Variants in LYN observed in about 807,000 individuals in gnomAD.
The protein encoded by LYN is LYN proto-oncogene, Src family tyrosine kinase.
Under a neutral mutation model 65.0 loss-of-function variants are expected in LYN, and 12 were observed. The ratio of observed to expected loss-of-function variants is 0.18; its 90% CI spans 0.12 to 0.30. The LOEUF (loss-of-function observed/expected upper bound fraction) is 0.30, where lower values mean the gene tolerates loss of function less well. Among genes scored for constraint, LYN ranks in the 10% least tolerant of loss-of-function variants. LYN has a pLI of 1.00. For missense variants in LYN, 380 were observed against 623.2 expected, an observed-to-expected ratio of 0.61 and a Z score of 4.16; for synonymous variants, 222 against 221.2, an observed-to-expected ratio of 1.00 and a Z score of -0.03.
intron 1 of LYN, among the ~76,000 whole-genome samples, chr8:55,921,294 G>A (rs1465855074): frequency 6.6e-6 from 1 of 152,120 alleles, no homozygotes; most frequent in Non-Finnish European, 1.5e-5. Flanking sequence ...TAACCAGGTG[G>A]CCCACTGTGT....
At position 55,953,925 on chromosome 8, in the gene LYN, G is replaced by A. The variant is rs779606369; in HGVS notation, c.731G>A (p.Arg244Gln). The stretch of plus-strand genomic sequence containing the variant: ...GATAAAGATGCCTGGGAGATCCCCC[G>A]GGAGTCCATCAAGTTGGTGAAAAGG... ...PWDKDAWEIP[R>Q]ESIKLVKRLG... is the part of the protein sequence containing the mutation. Residue 244 changes from arginine to glutamine, a missense_variant, in exon 8 of 13, where the codon CGG becomes CAG. Coordinates refer to ENST00000519728, the MANE Select transcript of LYN (RefSeq NM_002350.4). 42 of 1,613,996 alleles carry A rather than the reference G, an allele frequency of 2.6e-5. No individual in the cohort carries two copies. The highest frequency in any genetic ancestry group is 3.4e-6 in the Non-Finnish European group (4 of 1,180,018).
intron 12 of LYN, among the ~76,000 whole-genome samples, chr8:56,009,646 A>C (rs1418780432): frequency 6.6e-6 from 1 of 152,180 alleles, no homozygotes; most frequent in East Asian, 1.9e-4. Context: ...AGACCTACCC[A>C]AATGGCCTCA....
chr8:55,979,260 C>T (rs113852290), intron 10 of LYN, among the ~76,000 whole-genome samples: 1,568 of 152,046 alleles, frequency 0.01, 29 homozygotes, highest in African/African-American at 0.036. Context: ...CAGGCTGGTC[C>T]TGAACTCCCA....
rs528814580 is a variant in LYN, at chr8:55,887,775, A to C, written c.-6+7672A>C. 5.0e-4 allele frequency among the ~76,000 whole-genome samples: 76 copies of C among 151,756 alleles called. 1 individual carries two copies. The Middle Eastern group carries it at 0.014, about 27-fold the overall frequency. The stretch of plus-strand genomic sequence containing the variant: ...CAGGCACACACCACCATGCCCAGCT[A>C]CTTTTTGTATTTTTAGTACAGACAG... On this transcript the variant is annotated intron_variant, in intron 1 of 12. Transcript: ENST00000519728.
intron 10 of LYN, among the ~76,000 whole-genome samples, chr8:55,987,129 C>T (rs1157323283): frequency 2.0e-5 from 3 of 152,082 alleles, no homozygotes; most frequent in African/African-American, 7.2e-5. Flanking sequence ...AGAATCTTTT[C>T]TTGCCAGGCG....
chr8:55,982,746 C>T (rs189994944), intron 10 of LYN, among the ~76,000 whole-genome samples: 1 of 152,298 alleles, frequency 6.6e-6, no homozygotes, highest in Admixed American at 6.5e-5. Flanking sequence ...ACTTCCTCCC[C>T]TCCAAGACTC....
chr8:55,956,523 T>G (rs780829040), intron 8 of LYN, among the ~76,000 whole-genome samples: 1 of 152,226 alleles, frequency 6.6e-6, no homozygotes, highest in Non-Finnish European at 1.5e-5. Flanking sequence ...ATTTAGTTTC[T>G]CCGTGGCAAC....
intron 10 of LYN, among the ~76,000 whole-genome samples, chr8:55,993,721 T>C (rs1252977521): frequency 6.6e-6 from 1 of 151,998 alleles, no homozygotes; most frequent in Non-Finnish European, 1.5e-5. Context: ...CAATTAGTGG[T>C]GGGGAAATGG....
chr8:55,896,889 G>A (rs1805122568), intron 1 of LYN, among the ~76,000 whole-genome samples: 1 of 152,138 alleles, frequency 6.6e-6, no homozygotes, highest in East Asian at 1.9e-4. Flanking sequence ...ACAGGTGCCC[G>A]CCATCACCCC....
At chr8:55,912,285 G>A (rs774489645) in intron 1 of LYN, among the ~76,000 whole-genome samples, 1 of 152,178 alleles carries the variant, frequency 6.6e-6, no homozygotes, top group Non-Finnish European at 1.5e-5. Context: ...AATGTTTTTC[G>A]TAATGAAGTG....
chr8:55,943,149 T>C (rs1233506954), intron 2 of LYN, among the ~76,000 whole-genome samples: 1 of 152,212 alleles, frequency 6.6e-6, no homozygotes, highest in African/African-American at 2.4e-5. Context: ...CTTTGAACAA[T>C]TATAACCTGA....
intron 1 of LYN, among the ~76,000 whole-genome samples, chr8:55,912,057 G>A (rs1439827826): frequency 6.6e-6 from 1 of 152,136 alleles, no homozygotes; most frequent in Non-Finnish European, 1.5e-5. Flanking sequence ...TCAAATGGAA[G>A]GAGAGAGGAA....
chr8:55,998,552 T>G, intron 11 of LYN, 53 bp downstream of exon 11: 1 of 1,551,176 alleles, frequency 6.4e-7, no homozygotes, highest in South Asian at 1.1e-5. Context: ...TTATTTTGTT[T>G]TTGTCTGTTT....
intron 10 of LYN, among the ~76,000 whole-genome samples, chr8:55,984,464 G>C (rs2130558462): frequency 6.6e-6 from 1 of 152,292 alleles, no homozygotes; most frequent in South Asian, 2.1e-4. Context: ...TGGCACCTCT[G>C]TCCTTGGAGC....
chr8:55,911,102 T>C lies in LYN; in HGVS notation c.-5-30753T>C, dbSNP rs1230484503. On this transcript the variant is annotated intron_variant, in intron 1 of 12. Transcript: ENST00000519728. ...ACATACATATATATATATATATACA[T>C]ACACGTATATATACGTATATATATA... Among the ~76,000 whole-genome samples, 67 of 28,842 alleles carry C rather than the reference T, an allele frequency of 2.3e-3. 13 individuals are homozygous for C. Among genetic ancestry groups the C allele is most frequent in the African/African-American group, 8.2e-3 (61 of 7,452 alleles). The allele number at this position is 28,842 out of a possible 152,430, so 18.9% of individuals were successfully genotyped here. A position where few individuals can be genotyped will look rare whatever the true frequency, so the allele number is the denominator to read the frequency against.
At position 55,909,034 on chromosome 8, in the gene LYN, CACACACACACACACACA is replaced by C. The variant is rs1410135264; in HGVS notation, c.-6+28932_-6+28948del. Among the ~76,000 whole-genome samples, 232 of 41,680 alleles carry C rather than the reference CACACACACACACACACA, an allele frequency of 5.6e-3. 20 individuals are homozygous for C. Among genetic ancestry groups the C allele is most frequent in the East Asian group, 0.02 (16 of 782 alleles). The allele number at this position is 41,680 out of a possible 152,430, so 27.3% of individuals were successfully genotyped here. Reference sequence around the variant, plus strand: ...ATACACACACACACACACACACACACACACACACACACACACACCCCACATTTTCTTTACTTTTATTT... The same window carrying C: ...ATACACACACACACACACACACACACCCCCACATTTTCTTTACTTTTATTT... On this transcript the variant is annotated intron_variant, in intron 1 of 12. Transcript: ENST00000519728.
intron 1 of LYN, among the ~76,000 whole-genome samples, chr8:55,901,879 CTG>C (rs1805274885): frequency 6.6e-6 from 1 of 152,154 alleles, no homozygotes; most frequent in Non-Finnish European, 1.5e-5. Context: ...GACTTTCAGA[CTG>C]TGATTTGGGT....
intron 1 of LYN, among the ~76,000 whole-genome samples, chr8:55,921,635 A>G (rs1428210942): frequency 1.3e-5 from 2 of 152,164 alleles, no homozygotes; most frequent in Non-Finnish European, 2.9e-5. Context: ...GCATGAGCCA[A>G]GATGAAAAGG....
rs139433081 is a variant in LYN at position 55,883,222 on chromosome 8, A to G, written c.-6+3119A>G. 2.2e-3 allele frequency among the ~76,000 whole-genome samples: 333 copies of G among 152,362 alleles called. 1 individual carries two copies. The highest frequency in any genetic ancestry group is 7.7e-3 in the African/African-American group (319 of 41,586). The stretch of plus-strand genomic sequence containing the variant: ...TTTATTGAATGCCTAATGCTTTTGC[A>G]CCATCGTAAAGTTGAAAAATCATTA... On this transcript the variant is annotated intron_variant, in intron 1 of 12. Coordinates refer to ENST00000519728, the MANE Select transcript of LYN (RefSeq NM_002350.4).
Sources: gnomAD v4.1 joint callset for allele counts (sites outside exome capture counted in the v4.1 genomes callset) on GRCh38, gnomAD v4.1.1 for gene constraint, MANE v1.5 for transcripts, NCBI Gene and HGNC (gene_info 2026-07-23, HGNC 2026-07-21) for gene names.